FBXL20: variants seen among roughly 807,000 people sequenced by gnomAD.
FBXL20 encodes the protein F-box and leucine rich repeat protein 20, also known as F-box/LRR-repeat protein 20.
A neutral mutation model predicts 64.0 loss-of-function variants in FBXL20; 11 were observed. The observed-to-expected ratio is 0.17, with a 90% CI of 0.11 to 0.28. FBXL20 has a LOEUF of 0.28. Among genes scored for constraint, FBXL20 ranks in the 10% least tolerant of loss-of-function variants. The pLI is 1.00. For synonymous variants in FBXL20, 184 were observed against 189.0 expected (o/e 0.97, Z 0.22); for missense variants, 303 against 526.2 (o/e 0.58, Z 4.15).
intron 1 of FBXL20, among the ~76,000 whole-genome samples, chr17:39,383,323 G>A (rs939260499): frequency 3.3e-5 from 5 of 152,060 alleles, no homozygotes; most frequent in African/African-American, 7.2e-5. Flanking sequence ...AGACGCACAT[G>A]GAGAAGAAAA....
At chr17:39,319,622 T>C (rs1281946766) in intron 2 of FBXL20, among the ~76,000 whole-genome samples, 1 of 141,228 alleles carries the variant, frequency 7.1e-6, no homozygotes, top group African/African-American at 2.7e-5. Flanking sequence ...GAGGCAGAGG[T>C]TGCAGTAAGC....
rs112515357 is a variant in FBXL20 at position 39,368,686 on chromosome 17, C to T, written c.43-25445G>A. On this transcript the variant is annotated intron_variant, in intron 1 of 14. Transcript: ENST00000264658. The stretch of plus-strand genomic sequence containing the variant: ...TTTTTGTTTTATTGAGATGGTGTCT[C>T]GCTCTGTTGCCCAGGCTAGAGTGCA... 1.4e-4 allele frequency among the ~76,000 whole-genome samples: 21 copies of T among 152,222 alleles called. 1 individual carries two copies. Among genetic ancestry groups the T allele is most frequent in the African/African-American group, 4.8e-4 (20 of 41,554 alleles).
chr17:39,272,715 A>G (rs2046856247), intron 10 of FBXL20, among the ~76,000 whole-genome samples: 1 of 147,942 alleles, frequency 6.8e-6, no homozygotes, highest in African/African-American at 2.6e-5. Flanking sequence ...AAAAAAAAAA[A>G]AAAAAAGAAA....
intron 2 of FBXL20, among the ~76,000 whole-genome samples, chr17:39,334,636 T>C (rs796764722): frequency 1.2e-4 from 19 of 152,328 alleles, no homozygotes; most frequent in African/African-American, 4.3e-4. Context: ...AAATTTCATA[T>C]TCTTTTTTAC....
intron 1 of FBXL20, among the ~76,000 whole-genome samples, chr17:39,350,283 G>A (rs1454939947): frequency 6.6e-6 from 1 of 152,076 alleles, no homozygotes; most frequent in Non-Finnish European, 1.5e-5. Flanking sequence ...CTGAGGCTGG[G>A]AGATCGAGAC....
chr17:39,333,293 G>A lies in FBXL20; in HGVS notation c.104+9887C>T, dbSNP rs569830877. ...GCCGAGTGCCTGGGATTGCAGGCGC[G>A]CGCCGCCACGCCTGACTGGTTTTCG... On this transcript the variant is annotated intron_variant, in intron 2 of 14. Coordinates refer to ENST00000264658, the MANE Select transcript of FBXL20 (RefSeq NM_032875.3). 5.9e-5 allele frequency among the ~76,000 whole-genome samples: 9 copies of A among 152,290 alleles called. No homozygotes were observed. The South Asian group carries it at 1.0e-3, about 18-fold the overall frequency.
chr17:39,332,679 C>CTACA (rs1808941008), intron 2 of FBXL20, among the ~76,000 whole-genome samples: 1 of 149,318 alleles, frequency 6.7e-6, no homozygotes, highest in Admixed American at 6.7e-5. Context: ...GTAGCTGGGA[C>CTACA]TACAGGTGCC....
upstream of FBXL20, chr17:39,401,683 G>A: frequency 7.8e-7 from 1 of 1,278,512 alleles, no homozygotes; most frequent in Non-Finnish European, 9.9e-7. Context: ...CAACGCCGCT[G>A]CTCATTGGAC....
intron 1 of FBXL20, among the ~76,000 whole-genome samples, chr17:39,356,905 C>T (rs1236093190): frequency 6.6e-6 from 1 of 151,154 alleles, no homozygotes; most frequent in East Asian, 2.0e-4. Flanking sequence ...CTCAAGAGCT[C>T]CTCCCACTTT....
chr17:39,334,499 G>T (rs1263257157), intron 2 of FBXL20, among the ~76,000 whole-genome samples: 1 of 138,196 alleles, frequency 7.2e-6, no homozygotes, highest in East Asian at 2.1e-4. Flanking sequence ...AAAAAAATTC[G>T]AAAAAAAAAT....
chr17:39,275,172 C>A, intron 9 of FBXL20, 72 bp from the exon 10 acceptor site: 1 of 1,458,734 alleles, frequency 6.9e-7, no homozygotes, highest in Non-Finnish European at 9.2e-7. Context: ...AAAATGATAG[C>A]TCTGTGAAAA....
intron 2 of FBXL20, among the ~76,000 whole-genome samples, chr17:39,341,533 C>T (rs956081387): frequency 2.0e-5 from 3 of 152,040 alleles, no homozygotes; most frequent in South Asian, 2.1e-4. Context: ...GAGTACAGGC[C>T]GAATTAAGGA....
intron 13 of FBXL20, 131 bp downstream of exon 13, chr17:39,265,265 AG>A (rs2046780812): frequency 1.5e-6 from 1 of 645,576 alleles, no homozygotes; most frequent in East Asian, 2.8e-5. Flanking sequence ...TTTGGTTCTC[AG>A]TAAGCTGGCA....
chr17:39,399,740 T>C (rs868665301), intron 1 of FBXL20, among the ~76,000 whole-genome samples: 3 of 151,770 alleles, frequency 2.0e-5, no homozygotes, highest in South Asian at 2.1e-4. Flanking sequence ...TACTTTATTA[T>C]AGTATGCCAC....
intron 1 of FBXL20, among the ~76,000 whole-genome samples, chr17:39,398,628 C>G (rs934371425): frequency 6.6e-6 from 1 of 151,974 alleles, no homozygotes; most frequent in Non-Finnish European, 1.5e-5. Context: ...TTTGGCTATT[C>G]CACAGGATGC....
At chr17:39,340,711 G>T (rs2047574261) in intron 2 of FBXL20, among the ~76,000 whole-genome samples, 1 of 151,368 alleles carries the variant, frequency 6.6e-6, no homozygotes, top group Non-Finnish European at 1.5e-5. Flanking sequence ...AAAAAAAAAA[G>T]ATACATAAAA....
intron 1 of FBXL20, among the ~76,000 whole-genome samples, chr17:39,346,526 A>C (rs1209113277): frequency 6.6e-6 from 1 of 152,154 alleles, no homozygotes; most frequent in Non-Finnish European, 1.5e-5. Flanking sequence ...TTATGGTCCA[A>C]GTAAAAGATG....
upstream of FBXL20, chr17:39,402,451 G>C: frequency 3.0e-6 from 1 of 336,988 alleles, no homozygotes; most frequent in Non-Finnish European, 5.3e-6. Flanking sequence ...CTGGTCCGGG[G>C]ATGGCTGCGG....
chr17:39,383,645 A>G (rs1262034775), intron 1 of FBXL20, among the ~76,000 whole-genome samples: 2 of 144,348 alleles, frequency 1.4e-5, no homozygotes, highest in Admixed American at 7.2e-5. Flanking sequence ...GCTGGAGTGC[A>G]GTGGCGCGAT....
Sources: allele counts gnomAD v4.1 joint callset (sites outside exome capture counted in the v4.1 genomes callset), GRCh38; gene constraint gnomAD v4.1.1; transcripts MANE v1.5; gene names NCBI Gene and HGNC (gene_info 2026-07-23, HGNC 2026-07-21).